Variants in ZFYVE28 observed in about 807,000 individuals in gnomAD.
ZFYVE28 encodes zinc finger FYVE-type containing 28.
A neutral mutation model predicts 82.1 loss-of-function variants in ZFYVE28; 40 were observed. That is an observed-to-expected ratio of 0.49 (90% CI 0.38 to 0.63). ZFYVE28 has a LOEUF of 0.63. Among genes scored for constraint, ZFYVE28 ranks in the 30% least tolerant of loss-of-function variants. ZFYVE28 has a pLI of 0.00. For synonymous variants in ZFYVE28, 612 were observed against 546.1 expected (o/e 1.12, Z -1.68); for missense variants, 1,321 against 1,242.1 (o/e 1.06, Z -0.96).
At chr4:2,405,536 G>C (rs17132536) in intron 1 of ZFYVE28, among the ~76,000 whole-genome samples, 1 of 152,128 alleles carries the variant, frequency 6.6e-6, no homozygotes, top group Admixed American at 6.5e-5. Flanking sequence ...CCACATGGCC[G>C]AGCTGTAACC....
intron 1 of ZFYVE28, chr4:2,364,378 CCCTG>C (rs1208183999): frequency 8.5e-6 from 8 of 937,954 alleles, no homozygotes; most frequent in Non-Finnish European, 8.9e-6. Flanking sequence ...CCACTGAACG[CCCTG>C]CCCGCCCCAA....
intron 8 of ZFYVE28, chr4:2,286,715 C>T (rs1185374058): frequency 6.6e-6 from 1 of 152,248 alleles, no homozygotes; most frequent in Admixed American, 6.5e-5. Flanking sequence ...AGGGAAGGAG[C>T]TCAGCCCTTG....
In ZFYVE28 at chr4:2,354,092, A is replaced by G. The variant is rs543679576; in HGVS notation, c.40-19T>C. ...CCGACCTCTGCAGGAGAGAGGGGCC[A>G]GGGCCATGAGTGGGTGGGGAACTGG... On this transcript the variant is annotated intron_variant, in intron 1 of 12. Transcript: ENST00000290974. 2.0e-6 allele frequency: 3 copies of G among 1,502,516 alleles called. No homozygotes were observed. Among genetic ancestry groups the G allele is most frequent in the Non-Finnish European group, 2.7e-6 (3 of 1,121,818 alleles). 93.1% of individuals were successfully genotyped at this position (1,502,516 alleles called of 1,614,324 possible).
rs10682316 is a variant in ZFYVE28, at chr4:2,416,807, C to CCCT, written c.39+1477_39+1478insAGG. Among the ~76,000 whole-genome samples the CCCT allele has an allele frequency of 0.39, 58,905 of 150,258 alleles. 12,772 individuals are homozygous for CCCT. Among genetic ancestry groups the CCCT allele is most frequent in the African/African-American group, 0.59 (23,782 of 40,508 alleles). ...ACGCCACAGGAACCCTGAATCCCCC[C>CCCT]GAGTCCCCTCCCAATCAAGCCAAGG... On this transcript the variant is annotated intron_variant, in intron 1 of 12. Transcript: ENST00000290974. The surrounding 1 kb of genome is among the most constrained non-coding windows in gnomAD (Gnocchi z 4.6).
At chr4:2,278,288 A>T (rs1736663499) in intron 8 of ZFYVE28, among the ~76,000 whole-genome samples, 1 of 150,316 alleles carries the variant, frequency 6.7e-6, no homozygotes, top group African/African-American at 2.5e-5. Context: ...CCTGGGCTCA[A>T]GTGAGCCTCC....
At chr4:2,308,622 G>GA (rs1553830430) in intron 7 of ZFYVE28, among the ~76,000 whole-genome samples, 4 of 81,740 alleles carry the variant, frequency 4.9e-5, no homozygotes, top group African/African-American at 1.4e-4. Flanking sequence ...AAGAAAGAAA[G>GA]AAGACAGAAA....
chr4:2,358,280 G>C (rs1237153284), intron 1 of ZFYVE28, among the ~76,000 whole-genome samples: 1 of 152,224 alleles, frequency 6.6e-6, no homozygotes, highest in Non-Finnish European at 1.5e-5. Context: ...TATATGTGCA[G>C]GCATGGATGT....
intron 2 of ZFYVE28, among the ~76,000 whole-genome samples, chr4:2,350,463 CAA>C (rs1231820889): frequency 5.8e-5 from 7 of 120,768 alleles, no homozygotes; most frequent in African/African-American, 6.2e-5. Flanking sequence ...GACTCCGTCT[CAA>C]AAAAAAAAAA....
At chr4:2,296,160 A>T (rs889097587) in intron 8 of ZFYVE28, among the ~76,000 whole-genome samples, 2 of 152,152 alleles carry the variant, frequency 1.3e-5, no homozygotes, top group Admixed American at 6.5e-5. Flanking sequence ...GCCAGCTGTG[A>T]ATTGGGAGGA....
At chr4:2,360,444 C>G (rs1159508450) in intron 1 of ZFYVE28, among the ~76,000 whole-genome samples, 1 of 151,764 alleles carries the variant, frequency 6.6e-6, no homozygotes, top group Non-Finnish European at 1.5e-5. Context: ...CACGCACACA[C>G]AGAAACCCCG....
intron 6 of ZFYVE28, among the ~76,000 whole-genome samples, chr4:2,333,956 C>T (rs922220791): frequency 4.6e-5 from 7 of 152,154 alleles, no homozygotes; most frequent in African/African-American, 1.2e-4. Context: ...GCGCTCTGTG[C>T]TCTGGGGTGG....
At chr4:2,383,231 T>C (rs1372214094) in intron 1 of ZFYVE28, among the ~76,000 whole-genome samples, 3 of 152,112 alleles carry the variant, frequency 2.0e-5, no homozygotes, top group Non-Finnish European at 2.9e-5. Flanking sequence ...CCCATAATTC[T>C]CACATGTTGT....
Position 2,377,612 on chromosome 4 carries a change from C to T in ZFYVE28, c.40-23539G>A, listed in dbSNP as rs564732316. Among the ~76,000 whole-genome samples, 7 of 152,306 alleles carry T rather than the reference C, an allele frequency of 4.6e-5. No individual in the cohort carries two copies. In the South Asian group the frequency reaches 6.2e-4, roughly 14 times the overall value. On this transcript the variant is annotated intron_variant, in intron 1 of 12. Coordinates refer to ENST00000290974, the MANE Select transcript of ZFYVE28 (RefSeq NM_020972.3). ...AATTCGGGGCTGCCAGTCGCCTTCC[C>T]GCCGCACTGTGGGCTCATTCTCTAT...
intron 8 of ZFYVE28, among the ~76,000 whole-genome samples, chr4:2,299,543 C>T (rs893414521): frequency 2.2e-5 from 3 of 135,404 alleles, no homozygotes; most frequent in African/African-American, 8.4e-5. Context: ...AGCTTGAGCC[C>T]AGACAGGGAG....
chr4:2,377,953 A>G (rs902847601), intron 1 of ZFYVE28, among the ~76,000 whole-genome samples: 1 of 152,254 alleles, frequency 6.6e-6, no homozygotes, highest in Admixed American at 6.5e-5. Flanking sequence ...AAACCTGCAC[A>G]GCACGTTACT....
In ZFYVE28 at chr4:2,362,184, G is replaced by A. The variant is rs1172326332; in HGVS notation, c.40-8111C>T. Among the ~76,000 whole-genome samples the A allele has an allele frequency of 1.3e-5, 2 of 152,278 alleles. No individual in the cohort carries two copies. Among genetic ancestry groups the A allele is most frequent in the Non-Finnish European group, 2.9e-5 (2 of 68,014 alleles). On this transcript the variant is annotated intron_variant, in intron 1 of 12. Coordinates refer to ENST00000290974, the MANE Select transcript of ZFYVE28 (RefSeq NM_020972.3). This position sits in a 1 kb window ranked among gnomAD's most constrained non-coding sequence, Gnocchi z 5.1. ...TATCAGCAGATCTCCAGGAGACAGT[G>A]GTCACATGCAGACTTCAGCTGGACA...
At position 2,330,161 on chromosome 4, in the gene ZFYVE28, C is replaced by A. The variant is rs1441465443; in HGVS notation, c.701+5544G>T. 4.9e-6 allele frequency: 3 copies of A among 610,768 alleles called. No homozygotes were observed. In the African/African-American group the frequency reaches 6.1e-5, roughly 12 times the overall value. 37.8% of individuals were successfully genotyped at this position (610,768 alleles called of 1,614,324 possible). A position where few individuals can be genotyped will look rare whatever the true frequency, so the allele number is the denominator to read the frequency against. ...GTGACCGCTCAGGAGTAAGAGACAT[C>A]TTTGTGAGTAATGAAAATGTTATGA... On this transcript the variant is annotated intron_variant, in intron 6 of 12. Coordinates refer to ENST00000290974, the MANE Select transcript of ZFYVE28 (RefSeq NM_020972.3).
chr4:2,270,913 C>T, intron 12 of ZFYVE28, 57 bp from the exon 13 acceptor site: 1 of 1,562,560 alleles, frequency 6.4e-7, no homozygotes, highest in Non-Finnish European at 8.7e-7. Context: ...CCCACCCTGG[C>T]TCCTCGCCCT....
At position 2,418,184 on chromosome 4, in the gene ZFYVE28, C is replaced by T. The variant is rs902742464; in HGVS notation, c.39+101G>A. The T allele has an allele frequency of 6.9e-6, 8 of 1,165,490 alleles. No homozygotes were observed. The highest frequency in any genetic ancestry group is 2.0e-4 in the Middle Eastern group (1 of 4,954). 72.2% of individuals were successfully genotyped at this position (1,165,490 alleles called of 1,614,324 possible). On this transcript the variant is annotated intron_variant, in intron 1 of 12. Transcript: ENST00000290974. This position sits in a 1 kb window ranked among gnomAD's most constrained non-coding sequence, Gnocchi z 4.6. ...CGGCGGTGGGGGAAGAGGCCGGCCA[C>T]GGACAGGGAAAGGGAGTCCGTCTTG...
Sources: allele counts gnomAD v4.1 joint callset (sites outside exome capture counted in the v4.1 genomes callset), GRCh38; gene constraint gnomAD v4.1.1; non-coding constraint Gnocchi (gnomAD v3.1); transcripts MANE v1.5; gene names NCBI Gene and HGNC (gene_info 2026-07-23, HGNC 2026-07-21).